EPSTI1: variants seen among roughly 807,000 people sequenced by gnomAD.
The protein encoded by EPSTI1 is epithelial-stromal interaction protein 1.
Under a neutral mutation model 49.9 loss-of-function variants are expected in EPSTI1, and 66 were observed. That is an observed-to-expected ratio of 1.32 (90% CI 1.08 to 1.62). The LOEUF (loss-of-function observed/expected upper bound fraction) is 1.62, where lower values mean the gene tolerates loss of function less well. Among genes scored for constraint, EPSTI1 ranks in the 40% most tolerant of loss-of-function variants. EPSTI1 has a pLI of 0.00. For synonymous variants in EPSTI1, 137 were observed against 130.7 expected (o/e 1.05, Z -0.33); for missense variants, 394 against 365.5 (o/e 1.08, Z -0.64).
intron 8 of EPSTI1, among the ~76,000 whole-genome samples, chr13:42,909,432 C>G (rs540457457): frequency 6.6e-6 from 1 of 152,306 alleles, no homozygotes; most frequent in East Asian, 1.9e-4. Context: ...AATCCCACTA[C>G]TGGGTGTCTA....
At chr13:42,960,036 A>G (rs945127935) in intron 5 of EPSTI1, among the ~76,000 whole-genome samples, 1 of 152,302 alleles carries the variant, frequency 6.6e-6, no homozygotes. Context: ...GGATGTACAT[A>G]TGCTATTGCA....
Position 42,888,176 on chromosome 13 carries a change from T to A in EPSTI1, c.*318A>T. 6.5e-7 allele frequency: 1 copy of A among 1,538,630 alleles called. No individual in the cohort carries two copies. Among genetic ancestry groups the A allele is most frequent in the Non-Finnish European group, 8.9e-7 (1 of 1,128,792 alleles). On this transcript the variant is annotated 3_prime_UTR_variant, in exon 11 of 11. Transcript: ENST00000313624. ...AAGACAAGCCTGTAGCACCCATAGC[T>A]CTGATTAACCTGAAAGCATCAAGTG...
At chr13:42,967,659 A>G (rs995227378) in intron 3 of EPSTI1, among the ~76,000 whole-genome samples, 3 of 152,210 alleles carry the variant, frequency 2.0e-5, no homozygotes, top group Non-Finnish European at 4.4e-5. Flanking sequence ...ACAGGAGAGG[A>G]AATCGTCTGT....
In EPSTI1 at chr13:42,903,707, A is replaced by G. The variant is rs903647161; in HGVS notation, c.742-3324T>C. Among the ~76,000 whole-genome samples, 38 of 152,354 alleles carry G rather than the reference A, an allele frequency of 2.5e-4. 1 individual carries two copies. The highest frequency in any genetic ancestry group is 9.1e-4 in the African/African-American group (38 of 41,576). On this transcript the variant is annotated intron_variant, in intron 8 of 10. Transcript: ENST00000313624. ...TGATGATGGACTAGCCGACTACTGT[A>G]AGAAAGATCAAAACTAGACCCTTAA...
rs553248793 is a variant in EPSTI1, at chr13:42,974,267, C to T, written c.189-3597G>A. Reference sequence around the variant, plus strand: ...AGGAGAATCGCTTGATCCCAGGGGGCAGAGGTTGCAGTGAGCTGCGATCAT... The same window carrying T: ...AGGAGAATCGCTTGATCCCAGGGGGTAGAGGTTGCAGTGAGCTGCGATCAT... On this transcript the variant is annotated intron_variant, in intron 1 of 10. Transcript: ENST00000313624. Among the ~76,000 whole-genome samples the T allele has an allele frequency of 7.9e-5, 12 of 152,124 alleles. No individual in the cohort carries two copies. The East Asian group carries it at 1.9e-3, about 25-fold the overall frequency.
intron 1 of EPSTI1, among the ~76,000 whole-genome samples, chr13:42,986,366 C>T (rs2040078016): frequency 6.6e-6 from 1 of 151,968 alleles, no homozygotes; most frequent in Non-Finnish European, 1.5e-5. Flanking sequence ...CTTTTTTATG[C>T]TAATGTCTGT....
Position 42,917,642 on chromosome 13 carries a change from G to GAAAAAAAAAA in EPSTI1, c.658-28_658-19dup, listed in dbSNP as rs71202243. The GAAAAAAAAAA allele has an allele frequency of 3.8e-4, 164 of 426,404 alleles. No homozygotes were observed. The highest frequency in any genetic ancestry group is 7.4e-4 in the East Asian group (16 of 21,560). 26.4% of individuals were successfully genotyped at this position (426,404 alleles called of 1,614,324 possible). A position where few individuals can be genotyped will look rare whatever the true frequency, so the allele number is the denominator to read the frequency against. On this transcript the variant is annotated intron_variant, in intron 7 of 10. Transcript: ENST00000313624. ...CTTCTGGCCTGTAAAGGTACAAAGAGAAAAAAAAAAAAAAAAACAACTTGA... is the reference window on the plus strand; with the variant it reads ...CTTCTGGCCTGTAAAGGTACAAAGAGAAAAAAAAAAAAAAAAAAAAAAAAAAACAACTTGA...
intron 5 of EPSTI1, among the ~76,000 whole-genome samples, chr13:42,956,805 A>G (rs1034800310): frequency 6.6e-6 from 1 of 152,192 alleles, no homozygotes; most frequent in African/African-American, 2.4e-5. Context: ...CAAGAAGCTC[A>G]TGGATAAATT....
At chr13:42,963,504 G>A in intron 4 of EPSTI1, 166 bp from the exon 5 acceptor site, 3 of 594,902 alleles carry the variant, frequency 5.0e-6, no homozygotes, top group African/African-American at 1.9e-5. Flanking sequence ...AGAATGGCCG[G>A]GCTACGTCTT....
intron 5 of EPSTI1, among the ~76,000 whole-genome samples, chr13:42,956,298 T>C (rs948982727): frequency 2.6e-5 from 4 of 152,192 alleles, no homozygotes; most frequent in African/African-American, 7.2e-5. Context: ...CTTCTTTCTA[T>C]GGAGAGTGGA....
chr13:42,962,176 C>G (rs1177427518), intron 5 of EPSTI1, among the ~76,000 whole-genome samples: 1 of 152,152 alleles, frequency 6.6e-6, no homozygotes, highest in African/African-American at 2.4e-5. Context: ...ATGGGTCACC[C>G]CTTCTTTTGC....
intron 6 of EPSTI1, among the ~76,000 whole-genome samples, chr13:42,937,591 C>T (rs901697320): frequency 6.6e-6 from 1 of 152,180 alleles, no homozygotes; most frequent in Admixed American, 6.5e-5. Flanking sequence ...CTTAAGAAAT[C>T]CCTTTCTTTG....
chr13:42,926,133 C>A (rs1237724240), intron 7 of EPSTI1, among the ~76,000 whole-genome samples: 4 of 151,738 alleles, frequency 2.6e-5, no homozygotes, highest in Non-Finnish European at 5.9e-5. Context: ...TTCTCTGAGG[C>A]TGTTTTAGTC....
Position 42,989,444 on chromosome 13 carries a change from C to A in EPSTI1, c.188+2534G>T, listed in dbSNP as rs558956355. Reference sequence around the variant, plus strand: ...CATATTCCTAATCCCCACACTGGGGCTGCAGGAGGAAATTAATGGAAGGAT... The same window carrying A: ...CATATTCCTAATCCCCACACTGGGGATGCAGGAGGAAATTAATGGAAGGAT... On this transcript the variant is annotated intron_variant, in intron 1 of 10. Coordinates refer to ENST00000313624, the MANE Select transcript of EPSTI1 (RefSeq NM_033255.5). 7.2e-5 allele frequency among the ~76,000 whole-genome samples: 11 copies of A among 152,120 alleles called. No individual in the cohort carries two copies. In the East Asian group the frequency reaches 1.9e-3, roughly 27 times the overall value.
intron 1 of EPSTI1, among the ~76,000 whole-genome samples, chr13:42,980,886 T>G (rs1281725568): frequency 6.6e-6 from 1 of 152,206 alleles, no homozygotes; most frequent in Non-Finnish European, 1.5e-5. Flanking sequence ...ACTTTTATAA[T>G]CAGAGAAACA....
At chr13:42,943,856 A>T (rs2038838889) in intron 6 of EPSTI1, among the ~76,000 whole-genome samples, 1 of 152,238 alleles carries the variant, frequency 6.6e-6, no homozygotes, top group African/African-American at 2.4e-5. Context: ...AAAGTGGGCA[A>T]AGCATATGAA....
chr13:42,981,970 T>C (rs939676317), intron 1 of EPSTI1, among the ~76,000 whole-genome samples: 8 of 152,092 alleles, frequency 5.3e-5, no homozygotes, highest in Non-Finnish European at 8.8e-5. Context: ...AGTTACTATG[T>C]TGTTGAGGTT....
At chr13:42,965,015 T>C (rs1359461124) in intron 3 of EPSTI1, among the ~76,000 whole-genome samples, 1 of 152,244 alleles carries the variant, frequency 6.6e-6, no homozygotes, top group Non-Finnish European at 1.5e-5. Context: ...CTGAGAAAGA[T>C]ACCATAGGGA....
At chr13:42,981,168 T>C (rs1393356436) in intron 1 of EPSTI1, among the ~76,000 whole-genome samples, 2 of 152,168 alleles carry the variant, frequency 1.3e-5, no homozygotes, top group African/African-American at 2.4e-5. Flanking sequence ...GGAACCATCA[T>C]CAGCCGATTC....
Sources: gnomAD v4.1 joint callset for allele counts (sites outside exome capture counted in the v4.1 genomes callset) on GRCh38, gnomAD v4.1.1 for gene constraint, MANE v1.5 for transcripts, NCBI Gene and HGNC (gene_info 2026-07-23, HGNC 2026-07-21) for gene names.